FGF20: variants seen among roughly 807,000 people sequenced by gnomAD.
The protein encoded by FGF20 is fibroblast growth factor 20.
A neutral mutation model predicts 16.7 loss-of-function variants in FGF20; 8 were observed. The ratio of observed to expected loss-of-function variants is 0.48; its 90% CI spans 0.28 to 0.87. FGF20 has a LOEUF of 0.87. Ranked by LOEUF, FGF20 falls within the 40% of genes least tolerant of loss-of-function variation. The pLI, the probability that FGF20 is intolerant of heterozygous loss-of-function variation, is 0.10. For missense variants in FGF20, 397 were observed against 281.4 expected, an observed-to-expected ratio of 1.41 and a Z score of -2.94; for synonymous variants, 161 against 118.6, an observed-to-expected ratio of 1.36 and a Z score of -2.32.
intron 1 of FGF20, among the ~76,000 whole-genome samples, chr8:17,000,791 C>A (rs1417680669): frequency 6.6e-6 from 1 of 151,948 alleles, no homozygotes; most frequent in African/African-American, 2.4e-5. Flanking sequence ...CCCTCCCGAT[C>A]TAGTATCTTA....
At chr8:16,999,162 T>C (rs1034736304) in intron 1 of FGF20, among the ~76,000 whole-genome samples, 2 of 152,198 alleles carry the variant, frequency 1.3e-5, no homozygotes, top group Admixed American at 1.3e-4. Flanking sequence ...AAGGCGGCCA[T>C]TCACTCCCAG....
In FGF20 at chr8:16,993,287, C is replaced by T; in HGVS notation, c.421G>A (p.Glu141Lys). Reference sequence around the variant, plus strand: ...TTATACCAGTTCTCTTCAAACTGCTCCCTAAAGATGCATTCGGAAGTAAGT... The same window carrying T: ...TTATACCAGTTCTCTTCAAACTGCTTCCTAAAGATGCATTCGGAAGTAAGT... Reference protein sequence around the residue: ...EKLTSECIFREQFEENWYNTY... With the variant: ...EKLTSECIFRKQFEENWYNTY... The change falls in exon 3 of 3, where the codon GAG (glutamate) becomes AAG (lysine). Residue 141 changes from glutamate to lysine, a missense_variant. By Grantham distance (56) the Glu-to-Lys change is moderately conservative. Coordinates refer to ENST00000180166, the MANE Select transcript of FGF20 (RefSeq NM_019851.3). 1 of 1,612,332 alleles carries T rather than the reference C, an allele frequency of 6.2e-7. No homozygotes were observed.
chr8:17,000,376 C>A (rs905084609), intron 1 of FGF20, among the ~76,000 whole-genome samples: 1 of 151,964 alleles, frequency 6.6e-6, no homozygotes, highest in Non-Finnish European at 1.5e-5. Flanking sequence ...TTACAAATGC[C>A]CCCTTAAACT....
At chr8:16,997,563 C>G (rs984653231) in intron 1 of FGF20, among the ~76,000 whole-genome samples, 3 of 152,134 alleles carry the variant, frequency 2.0e-5, no homozygotes, top group African/African-American at 7.2e-5. Flanking sequence ...TGAGCTCTTT[C>G]AAACTATTAG....
intron 1 of FGF20, among the ~76,000 whole-genome samples, chr8:17,001,414 C>T (rs894181690): frequency 6.6e-6 from 1 of 152,082 alleles, no homozygotes; most frequent in African/African-American, 2.4e-5. Flanking sequence ...ATGCCGAGTG[C>T]ACCAGGTCTT....
chr8:17,000,233 G>C (rs1810150938), intron 1 of FGF20, among the ~76,000 whole-genome samples: 1 of 152,186 alleles, frequency 6.6e-6, no homozygotes, highest in East Asian at 1.9e-4. Flanking sequence ...GGTCATGACA[G>C]TCTTGACTGA....
chr8:16,992,251 C>T lies in FGF20; in HGVS notation c.*821G>A, dbSNP rs1809929994. The T allele has an allele frequency of 6.6e-6, 1 of 151,630 alleles. No individual in the cohort carries two copies. The highest frequency in any genetic ancestry group is 1.9e-4 in the East Asian group (1 of 5,166). The allele number at this position is 151,630 out of a possible 1,614,324, so 9.4% of individuals were successfully genotyped here. A position where few individuals can be genotyped will look rare whatever the true frequency, so the allele number is the denominator to read the frequency against. On this transcript the variant is annotated 3_prime_UTR_variant, in exon 3 of 3. Coordinates refer to ENST00000180166, the MANE Select transcript of FGF20 (RefSeq NM_019851.3). ...CAAATCAATGAGGCATTTTTCTAGG[C>T]CAAAAGAAACCAACGTTACATTTAG...
At chr8:17,000,070 G>T (rs1482703131) in intron 1 of FGF20, among the ~76,000 whole-genome samples, 3 of 152,070 alleles carry the variant, frequency 2.0e-5, no homozygotes, top group African/African-American at 7.2e-5. Flanking sequence ...CTTCAGAATC[G>T]AAGTCTCAGG....
rs936160285 is a variant in FGF20, at chr8:17,001,947, G to A, written c.86C>T (p.Pro29Leu). ...CAGCAGCGGCGGCCGCTCCCCGGCAGGAGGCAACAGGAAATGCGAACCCAC... is the reference window on the plus strand; with the variant it reads ...CAGCAGCGGCGGCCGCTCCCCGGCAAGAGGCAACAGGAAATGCGAACCCAC... The part of the protein sequence containing the change: ...QQVGSHFLLP[P>L]AGERPPLLGE... The change falls in exon 1 of 3, where the codon CCT becomes CTT. Residue 29 changes from proline to leucine, a missense_variant. Transcript: ENST00000180166. 29 of 1,499,866 alleles carry A rather than the reference G, an allele frequency of 1.9e-5. No homozygotes were observed. Among genetic ancestry groups the A allele is most frequent in the Non-Finnish European group, 2.5e-5 (28 of 1,125,900 alleles). The allele number at this position is 1,499,866 out of a possible 1,614,324, so 92.9% of individuals were successfully genotyped here.
intron 1 of FGF20, among the ~76,000 whole-genome samples, chr8:16,999,279 T>C: frequency 6.6e-6 from 1 of 152,194 alleles, no homozygotes. Context: ...TCAATTTTTT[T>C]GCAGCTACTA....
At chr8:16,996,426 T>C (rs1287428686) in intron 1 of FGF20, among the ~76,000 whole-genome samples, 2 of 152,066 alleles carry the variant, frequency 1.3e-5, no homozygotes, top group East Asian at 1.9e-4. Flanking sequence ...AACTTTAACC[T>C]CCTCATATGC....
chr8:16,997,885 G>A (rs534126289), intron 1 of FGF20, among the ~76,000 whole-genome samples: 131 of 152,288 alleles, frequency 8.6e-4, no homozygotes, highest in African/African-American at 2.9e-3. Flanking sequence ...AATTACAAAT[G>A]TATAATTACT....
At chr8:16,997,374 G>T (rs1258396600) in intron 1 of FGF20, among the ~76,000 whole-genome samples, 3 of 152,150 alleles carry the variant, frequency 2.0e-5, no homozygotes, top group Non-Finnish European at 4.4e-5. Flanking sequence ...GTACCCTTTA[G>T]CCTGACTCTT....
intron 2 of FGF20, 80 bp from the exon 3 acceptor site, chr8:16,993,397 T>C (rs1327879378): frequency 8.8e-6 from 12 of 1,362,906 alleles, no homozygotes; most frequent in Non-Finnish European, 1.2e-5. Flanking sequence ...CTCTATATTT[T>C]CATTTCTTTG....
Position 17,001,904 on chromosome 8 carries a change from C to G in FGF20, c.129G>C (p.Ala43=). ...GCCCGCCGCGCGCGCTCCGCTCCGC[C>G]GCGCTCCTGCGCTCGCCCAGCAGCG... ...RPPLLGERRS[A]AERSARGGPG... Residue 43 remains alanine, a synonymous_variant, in exon 1 of 3, where the codon GCG becomes GCC. Transcript: ENST00000180166. 6.8e-7 allele frequency: 1 copy of G among 1,467,204 alleles called. No individual in the cohort carries two copies. Among genetic ancestry groups the G allele is most frequent in the South Asian group, 1.3e-5 (1 of 74,326 alleles). The allele number at this position is 1,467,204 out of a possible 1,614,324, so 90.9% of individuals were successfully genotyped here.
In FGF20 at chr8:17,002,251, C is replaced by T. The variant is rs1470186071; in HGVS notation, c.-219G>A. 4.2e-6 allele frequency: 2 copies of T among 477,050 alleles called. No individual in the cohort carries two copies. Among genetic ancestry groups the T allele is most frequent in the Non-Finnish European group, 7.1e-6 (2 of 279,962 alleles). The allele number at this position is 477,050 out of a possible 1,614,324, so 29.6% of individuals were successfully genotyped here. A position where few individuals can be genotyped will look rare whatever the true frequency, so the allele number is the denominator to read the frequency against. Reference sequence around the variant, plus strand: ...TCCTTGGGTAGGTGGGAGCCGGCTGCTGGCTCTGCAGAAATATCTATAGCT... The same window carrying T: ...TCCTTGGGTAGGTGGGAGCCGGCTGTTGGCTCTGCAGAAATATCTATAGCT... On this transcript the variant is annotated 5_prime_UTR_variant, in exon 1 of 3. Transcript: ENST00000180166.
At position 17,002,224 on chromosome 8, in the gene FGF20, T is replaced by C. The variant is rs1810206432; in HGVS notation, c.-192A>G. The C allele has an allele frequency of 1.2e-5, 6 of 520,798 alleles. No individual in the cohort carries two copies. In the South Asian group the frequency reaches 2.2e-4, roughly 19 times the overall value. 32.3% of individuals were successfully genotyped at this position (520,798 alleles called of 1,614,324 possible). A position where few individuals can be genotyped will look rare whatever the true frequency, so the allele number is the denominator to read the frequency against. ...CTCTCACTGTCTTGGAGCGATCTTC[T>C]CTCCTTGGGTAGGTGGGAGCCGGCT... is the stretch of plus-strand genomic sequence containing the variant. On this transcript the variant is annotated 5_prime_UTR_variant, in exon 1 of 3. Transcript: ENST00000180166.
chr8:16,995,566 A>C (rs1172415938), intron 2 of FGF20, 89 bp downstream of exon 2: 3 of 539,798 alleles, frequency 5.6e-6, no homozygotes, highest in Non-Finnish European at 9.1e-6. Context: ...TACTTCTACC[A>C]GACATTCTTG....
Position 16,995,697 on chromosome 8 carries a change from A to T in FGF20, c.348T>A (p.Gly116=). 2 of 1,607,680 alleles carry T rather than the reference A, an allele frequency of 1.2e-6. No individual in the cohort carries two copies. The highest frequency in any genetic ancestry group is 1.7e-6 in the Non-Finnish European group (2 of 1,175,056). ...GLVSIRGVDS[G]LYLGMNDKGE... The stretch of plus-strand genomic sequence containing the variant: ...CTTTGTCATTCATTCCAAGATAGAG[A>T]CCACTGTCCACACCTCTAATACTGA... The change falls in exon 2 of 3, where the codon GGT becomes GGA. Residue 116 remains glycine (G), a synonymous_variant. Transcript: ENST00000180166.
Sources: gnomAD v4.1 joint callset for allele counts (sites outside exome capture counted in the v4.1 genomes callset) on GRCh38, gnomAD v4.1.1 for gene constraint, MANE v1.5 for transcripts, NCBI Gene and HGNC (gene_info 2026-07-23, HGNC 2026-07-21) for gene names.